Variants in AMY2B observed in about 807,000 individuals in gnomAD.
The protein encoded by AMY2B is amylase alpha 2B, also known as alpha-amylase 2B.
AMY2B carries 63 observed loss-of-function variants against 59.3 expected under a neutral mutation model. That is an observed-to-expected ratio of 1.06 (90% CI 0.87 to 1.31). The LOEUF (loss-of-function observed/expected upper bound fraction) is 1.31, where lower values mean the gene tolerates loss of function less well. AMY2B is among the 50% of genes most tolerant of loss of function. The pLI, the probability that AMY2B is intolerant of heterozygous loss-of-function variation, is 0.00. For synonymous variants in AMY2B, 180 were observed against 198.1 expected (o/e 0.91, Z 0.77); for missense variants, 635 against 626.7 (o/e 1.01, Z -0.14).
At chr1:103,561,207 G>GA (rs760153265) in intron 1 of AMY2B, among the ~76,000 whole-genome samples, 17 of 152,196 alleles carry the variant, frequency 1.1e-4, no homozygotes, top group South Asian at 1.0e-3. Context: ...GGTTCATACA[G>GA]AAAAAAATGT....
At chr1:103,577,399 C>G (rs1439804619) in intron 7 of AMY2B, 91 bp from the exon 8 acceptor site, 2 of 1,600,064 alleles carry the variant, frequency 1.2e-6, no homozygotes. Context: ...TGCAGAGACA[C>G]AAGTAACAGG....
At chr1:103,572,583 T>G (rs1409534763) in intron 2 of AMY2B, among the ~76,000 whole-genome samples, 1 of 152,210 alleles carries the variant, frequency 6.6e-6, no homozygotes, top group Non-Finnish European at 1.5e-5. Context: ...TGCTATCATT[T>G]TTAGGTGACT....
chr1:103,555,496 T>G (rs1202728323), intron 1 of AMY2B, among the ~76,000 whole-genome samples: 1 of 152,166 alleles, frequency 6.6e-6, no homozygotes, highest in Non-Finnish European at 1.5e-5. Context: ...AATTTAGAAA[T>G]TTGTATCCTT....
intron 1 of AMY2B, among the ~76,000 whole-genome samples, chr1:103,555,901 A>T (rs1651532712): frequency 6.6e-6 from 1 of 152,124 alleles, no homozygotes; most frequent in East Asian, 1.9e-4. Flanking sequence ...TAATGCCGGA[A>T]AGAGAGGGAT....
intron 6 of AMY2B, 43 bp downstream of exon 6, chr1:103,575,388 T>C (rs1381078077): frequency 6.2e-7 from 1 of 1,612,744 alleles, no homozygotes; most frequent in Admixed American, 1.7e-5. Flanking sequence ...CATCTTTTAA[T>C]GATGGTAATG....
At chr1:103,563,862 G>A (rs1651819264) in intron 1 of AMY2B, among the ~76,000 whole-genome samples, 1 of 151,996 alleles carries the variant, frequency 6.6e-6, no homozygotes, top group African/African-American at 2.4e-5. Context: ...AGGGAAGGAA[G>A]GAAAAAATTG....
chr1:103,575,162 A>G (rs902982032), intron 5 of AMY2B, 61 bp from the exon 6 acceptor site: 1 of 1,608,774 alleles, frequency 6.2e-7, no homozygotes, highest in Non-Finnish European at 8.5e-7. Context: ...ATGCACAGTT[A>G]AGTTACTCGC....
intron 4 of AMY2B, 145 bp downstream of exon 4, chr1:103,574,083 C>G: frequency 1.3e-6 from 2 of 1,505,186 alleles, no homozygotes; most frequent in Non-Finnish European, 1.8e-6. Context: ...TCACATACAG[C>G]ATATCTAATT....
intron 4 of AMY2B, 145 bp downstream of exon 4, chr1:103,574,083 C>T: frequency 6.6e-7 from 1 of 1,505,186 alleles, no homozygotes; most frequent in Non-Finnish European, 8.9e-7. Context: ...TCACATACAG[C>T]ATATCTAATT....
intron 4 of AMY2B, 110 bp downstream of exon 4, chr1:103,574,048 A>T (rs544610695): frequency 6.4e-7 from 1 of 1,573,614 alleles, no homozygotes; most frequent in African/African-American, 1.4e-5. Flanking sequence ...TCATTTATAT[A>T]AAATGGTGTT....
At position 103,579,533 on chromosome 1, in the gene AMY2B, T is replaced by C. The variant is rs1299936191; in HGVS notation, c.*33T>C. ...AATTAAATGCATATCCTCAAAACAA[T>C]AGCCAAGTGTGTTTCTTTTCTTACA... is the stretch of plus-strand genomic sequence containing the variant. On this transcript the variant is annotated 3_prime_UTR_variant, in exon 10 of 10. Transcript: ENST00000684275. The C allele has an allele frequency of 2.5e-6, 4 of 1,595,988 alleles. No individual in the cohort carries two copies. The highest frequency in any genetic ancestry group is 1.7e-6 in the Non-Finnish European group (2 of 1,174,058).
upstream of AMY2B, chr1:103,570,502 C>G (rs1652083193): frequency 4.7e-6 from 3 of 643,280 alleles, no homozygotes; most frequent in Admixed American, 5.5e-5. Context: ...GAGATCACCA[C>G]CCGGGCACCT....
Position 103,573,150 on chromosome 1 carries a change from A to G in AMY2B, c.403A>G (p.Asn135Asp). 1 of 1,613,804 alleles carries G rather than the reference A, an allele frequency of 6.2e-7. No homozygotes were observed. Among genetic ancestry groups the G allele is most frequent in the South Asian group, 1.1e-5 (1 of 91,066 alleles). Residue 135 changes from asparagine to aspartate, a missense_variant, in exon 3 of 10, where the codon AAC (asparagine) becomes GAC (aspartate). Transcript: ENST00000684275. Reference sequence around the variant, plus strand: ...AAGCAGTACCTGTGGAAGTTACTTCAACCCTGGAAGTAGGGACTTTCCAGC... The same window carrying G: ...AAGCAGTACCTGTGGAAGTTACTTCGACCCTGGAAGTAGGGACTTTCCAGC... ...GTSSTCGSYFNPGSRDFPAVP... is the reference protein window; with the variant it reads ...GTSSTCGSYFDPGSRDFPAVP...
At chr1:103,575,635 C>A in intron 7 of AMY2B, 95 bp downstream of exon 7, 2 of 1,529,450 alleles carry the variant, frequency 1.3e-6, no homozygotes, top group South Asian at 1.2e-5. Flanking sequence ...ATATATTCAA[C>A]AAATAATTGA....
intron 1 of AMY2B, among the ~76,000 whole-genome samples, chr1:103,557,834 G>A (rs1288422519): frequency 6.6e-6 from 1 of 151,966 alleles, no homozygotes; most frequent in Non-Finnish European, 1.5e-5. Flanking sequence ...GTTATTTATG[G>A]GAACATTAGA....
Position 103,573,865 on chromosome 1 carries a change from C to A in AMY2B, c.671C>A (p.Ala224Glu), listed in dbSNP as rs749735334. The A allele has an allele frequency of 6.2e-7, 1 of 1,613,686 alleles. No individual in the cohort carries two copies. Among genetic ancestry groups the A allele is most frequent in the East Asian group, 2.2e-5 (1 of 44,874 alleles). The change falls in exon 4 of 10, where the codon GCA (alanine) becomes GAA (glutamate). Residue 224 changes from alanine (A) to glutamate (E), a missense_variant. Ala to Glu is a moderately radical substitution (Grantham distance 107). Coordinates refer to ENST00000684275, the MANE Select transcript of AMY2B (RefSeq NM_001387437.1). ...CACATGTGGCCTGGAGACATAAAGG[C>A]AATTTTGGACAAACTGCATAATCTA... ...SKHMWPGDIKAILDKLHNLNS... is the reference protein window; with the variant it reads ...SKHMWPGDIKEILDKLHNLNS...
intron 4 of AMY2B, 143 bp from the exon 5 acceptor site, chr1:103,574,117 A>T (rs1160289334): frequency 7.5e-6 from 11 of 1,474,006 alleles, no homozygotes; most frequent in Non-Finnish European, 9.9e-6. Flanking sequence ...AAAACAAAAC[A>T]AGACAAAAAG....
intron 7 of AMY2B, 91 bp from the exon 8 acceptor site, chr1:103,577,399 C>T: frequency 6.2e-7 from 1 of 1,600,064 alleles, no homozygotes; most frequent in East Asian, 2.2e-5. Flanking sequence ...TGCAGAGACA[C>T]AAGTAACAGG....
upstream of AMY2B, chr1:103,571,359 G>T: frequency 5.6e-6 from 6 of 1,062,740 alleles, no homozygotes; most frequent in Non-Finnish European, 7.9e-6. Context: ...CATTGTGTAT[G>T]GAAAAATAAA....
Sources: gnomAD v4.1 joint callset for allele counts (sites outside exome capture counted in the v4.1 genomes callset) on GRCh38, gnomAD v4.1.1 for gene constraint, MANE v1.5 for transcripts, NCBI Gene and HGNC (gene_info 2026-07-23, HGNC 2026-07-21) for gene names.